SEC22A: variants seen among roughly 807,000 people sequenced by gnomAD.
SEC22A encodes SEC22 homolog A, vesicle trafficking protein.
SEC22A carries 22 observed loss-of-function variants against 35.3 expected under a neutral mutation model. The ratio of observed to expected loss-of-function variants is 0.62; its 90% CI spans 0.45 to 0.89. The LOEUF (loss-of-function observed/expected upper bound fraction) is 0.89. Ranked by LOEUF, SEC22A falls within the 40% of genes least tolerant of loss-of-function variation. The pLI is 0.00. For missense variants in SEC22A, 354 were observed against 362.5 expected, an observed-to-expected ratio of 0.98 and a Z score of 0.19; for synonymous variants, 119 against 129.5, an observed-to-expected ratio of 0.92 and a Z score of 0.55.
chr3:123,253,133 A>G lies in SEC22A; in HGVS notation c.658-6391A>G, dbSNP rs140755989. On this transcript the variant is annotated intron_variant, in intron 5 of 6. Transcript: ENST00000492595. ...AAAAAATGGAATCTTTTGATATCTC[A>G]GTAGAAATGCTGACCTGGAAGTTAA... Among the ~76,000 whole-genome samples the G allele has an allele frequency of 2.5e-3, 385 of 152,304 alleles. 1 individual carries two copies. The highest frequency in any genetic ancestry group is 5.3e-3 in the Admixed American group (81 of 15,304).
intron 2 of SEC22A, among the ~76,000 whole-genome samples, chr3:123,216,046 T>G (rs1937016443): frequency 6.6e-6 from 1 of 152,168 alleles, no homozygotes; most frequent in African/African-American, 2.4e-5. Flanking sequence ...TTTTCCTATT[T>G]TGTCTCATTA....
At chr3:123,243,506 A>C (rs1341308270) in intron 4 of SEC22A, among the ~76,000 whole-genome samples, 2 of 152,004 alleles carry the variant, frequency 1.3e-5, no homozygotes, top group Non-Finnish European at 2.9e-5. Flanking sequence ...CATTTTATCT[A>C]TCTTCAAAGC....
chr3:123,217,781 A>G (rs1184306765), intron 2 of SEC22A, among the ~76,000 whole-genome samples: 8 of 152,194 alleles, frequency 5.3e-5, no homozygotes, highest in Non-Finnish European at 1.2e-4. Context: ...CATTTTATGT[A>G]TATATCTTGG....
chr3:123,205,106 GT>G (rs1936830807), intron 1 of SEC22A, among the ~76,000 whole-genome samples: 1 of 152,150 alleles, frequency 6.6e-6, no homozygotes, highest in African/African-American at 2.4e-5. Context: ...GTAGGGGTAT[GT>G]TTATTGAATT....
rs80205756 is a variant in SEC22A at position 123,210,131 on chromosome 3, A to G, written c.182+732A>G. Among the ~76,000 whole-genome samples the G allele has an allele frequency of 9.8e-4, 150 of 152,336 alleles. 2 individuals carry two copies. The East Asian group carries it at 0.023, about 23-fold the overall frequency. On this transcript the variant is annotated intron_variant, in intron 2 of 6. Transcript: ENST00000492595. ...CTAATGCAGTAGGAAGCCATTGGGT[A>G]GTTTTAAGCTATAGAGTTACATGAT...
At chr3:123,210,466 C>T (rs1936924471) in intron 2 of SEC22A, among the ~76,000 whole-genome samples, 2 of 152,242 alleles carry the variant, frequency 1.3e-5, no homozygotes, top group South Asian at 4.2e-4. Context: ...AAGTGCGTCT[C>T]CTTGGTAAAA....
intron 1 of SEC22A, among the ~76,000 whole-genome samples, chr3:123,206,729 G>A (rs1484657508): frequency 2.0e-5 from 3 of 152,140 alleles, no homozygotes; most frequent in Non-Finnish European, 4.4e-5. Flanking sequence ...GTCACACTGG[G>A]ACTTCAGTTT....
intron 5 of SEC22A, among the ~76,000 whole-genome samples, chr3:123,257,855 G>C (rs1308134196): frequency 6.6e-6 from 1 of 151,864 alleles, no homozygotes; most frequent in Non-Finnish European, 1.5e-5. Flanking sequence ...AGCCAGGCAT[G>C]GTGGCACGCA....
intron 6 of SEC22A, among the ~76,000 whole-genome samples, chr3:123,266,345 TTC>T (rs1400530743): frequency 1.3e-5 from 2 of 152,152 alleles, no homozygotes; most frequent in Non-Finnish European, 2.9e-5. Context: ...ATTTATTTTG[TTC>T]TTTTTCTAGG....
chr3:123,242,828 G>A (rs1335440733), intron 4 of SEC22A, among the ~76,000 whole-genome samples: 1 of 152,170 alleles, frequency 6.6e-6, no homozygotes, highest in Non-Finnish European at 1.5e-5. Context: ...ACCTCATGAA[G>A]TATGCCATTC....
intron 2 of SEC22A, among the ~76,000 whole-genome samples, chr3:123,214,572 G>A (rs892533909): frequency 1.1e-4 from 17 of 152,190 alleles, no homozygotes; most frequent in African/African-American, 2.4e-4. Context: ...TTTATAAGTC[G>A]AAGGGTACTT....
intron 6 of SEC22A, among the ~76,000 whole-genome samples, chr3:123,266,645 A>G (rs781010439): frequency 6.6e-6 from 1 of 152,138 alleles, no homozygotes; most frequent in Non-Finnish European, 1.5e-5. Flanking sequence ...TAGAGAACAC[A>G]CATTGTGTGA....
At position 123,223,629 on chromosome 3, in the gene SEC22A, T is replaced by C; in HGVS notation, c.253T>C (p.Ser85Pro). 1 of 1,613,576 alleles carries C rather than the reference T, an allele frequency of 6.2e-7. No homozygotes were observed. Among genetic ancestry groups the C allele is most frequent in the Non-Finnish European group, 8.5e-7 (1 of 1,179,530 alleles). Residue 85 changes from serine to proline, a missense_variant, in exon 3 of 7, where the codon TCT becomes CCT. Coordinates refer to ENST00000492595, the MANE Select transcript of SEC22A (RefSeq NM_012430.5). ...AAATTACCCAAATGTTCTCGCCTTCTCTTTCCTGGATGAGCTTCAGAAGGA... is the reference window on the plus strand; with the variant it reads ...AAATTACCCAAATGTTCTCGCCTTCCCTTTCCTGGATGAGCTTCAGAAGGA... ...TENYPNVLAF[S>P]FLDELQKEFI...
intron 2 of SEC22A, among the ~76,000 whole-genome samples, chr3:123,222,224 G>A (rs878951952): frequency 6.6e-6 from 1 of 151,048 alleles, no homozygotes; most frequent in Non-Finnish European, 1.5e-5. Context: ...TTTAGACAGA[G>A]TCTCTCTCTT....
Position 123,225,193 on chromosome 3 carries a change from A to G in SEC22A, c.437A>G (p.Lys146Arg). ...INLSDMQTEI[K>R]LRPPYQISMC... ...CTTTCTGACATGCAGACGGAAATCA[A>G]GCTGAGGCCTCCTTATCAAATTTCC... Residue 146 changes from lysine (K) to arginine (R), a missense_variant, in exon 4 of 7, where the codon AAG (lysine) becomes AGG (arginine). Physicochemically the swap from Lys to Arg is conservative, Grantham distance 26. Transcript: ENST00000492595. The G allele has an allele frequency of 6.2e-7, 1 of 1,613,536 alleles. No homozygotes were observed. Among genetic ancestry groups the G allele is most frequent in the Non-Finnish European group, 8.5e-7 (1 of 1,179,452 alleles).
In SEC22A at chr3:123,271,593, A is replaced by G. The variant is rs748253408; in HGVS notation, c.795A>G (p.Leu265=). The G allele has an allele frequency of 9.9e-6, 16 of 1,614,148 alleles. No individual in the cohort carries two copies. The East Asian group carries it at 3.1e-4, about 31-fold the overall frequency. The change falls in exon 7 of 7, where the codon CTA becomes CTG. Residue 265 remains leucine, a synonymous_variant. Coordinates refer to ENST00000492595, the MANE Select transcript of SEC22A (RefSeq NM_012430.5). ...TTTTGACTTTTGGCTTAATCTGTCT[A>G]TGCAACATGTATCTCTATGAACTGC... ...KSFLTFGLIC[L]CNMYLYELRN... is the part of the protein sequence containing the mutation.
chr3:123,248,241 TAC>T (rs1937582086), intron 5 of SEC22A, among the ~76,000 whole-genome samples: 1 of 152,156 alleles, frequency 6.6e-6, no homozygotes, highest in South Asian at 2.1e-4. Flanking sequence ...ATAAAAGATA[TAC>T]AGATTAGGAA....
intron 6 of SEC22A, among the ~76,000 whole-genome samples, chr3:123,265,270 T>C (rs1439674518): frequency 6.6e-6 from 1 of 152,160 alleles, no homozygotes; most frequent in Non-Finnish European, 1.5e-5. Context: ...TCCACAAATT[T>C]TGATATCTGA....
intron 1 of SEC22A, among the ~76,000 whole-genome samples, chr3:123,207,562 T>G (rs1393334814): frequency 6.6e-6 from 1 of 152,226 alleles, no homozygotes. Context: ...TAATCTTAGA[T>G]AGTGAACATG....
Sources: allele counts gnomAD v4.1 joint callset (sites outside exome capture counted in the v4.1 genomes callset), GRCh38; gene constraint gnomAD v4.1.1; transcripts MANE v1.5; gene names NCBI Gene and HGNC (gene_info 2026-07-23, HGNC 2026-07-21).